Variants in MMS22L observed in about 807,000 individuals in gnomAD.
MMS22L encodes the protein MMS22 like, DNA repair protein.
MMS22L carries 74 observed loss-of-function variants against 159.1 expected under a neutral mutation model. That is an observed-to-expected ratio of 0.47 (90% CI 0.39 to 0.56). The LOEUF is 0.56. Among genes scored for constraint, MMS22L ranks in the 20% least tolerant of loss-of-function variants. The pLI is 0.00. For missense variants in MMS22L, 1,351 were observed against 1,422.1 expected (o/e 0.95, Z 0.80); for synonymous variants, 517 against 506.9 (o/e 1.02, Z -0.27).
chr6:97,254,666 G>T lies in MMS22L; in HGVS notation c.1010C>A (p.Ser337Tyr), dbSNP rs752634716. 5.0e-6 allele frequency: 8 copies of T among 1,612,176 alleles called. No individual in the cohort carries two copies. Among genetic ancestry groups the T allele is most frequent in the Non-Finnish European group, 5.9e-6 (7 of 1,179,390 alleles). ...CCTGGACTGGATTACAGGCATAGAG[G>T]ATCTTCTTCGGTCACTTGATTTTTC... ...LLEKSSDRRR[S>Y]SMPVIQSRDP... Residue 337 changes from serine to tyrosine, a missense_variant, in exon 10 of 25, where the codon TCC becomes TAC. Transcript: ENST00000683635.
intron 4 of MMS22L, among the ~76,000 whole-genome samples, chr6:97,275,307 T>A (rs1471710569): frequency 1.3e-5 from 2 of 152,220 alleles, no homozygotes; most frequent in Admixed American, 1.3e-4. Context: ...GGCAGGCGAA[T>A]CACGAGGTCA....
chr6:97,179,626 A>C, intron 16 of MMS22L, 67 bp from the exon 17 acceptor site: 1 of 1,396,144 alleles, frequency 7.2e-7, no homozygotes, highest in East Asian at 2.4e-5. Flanking sequence ...ATTAAGAAGT[A>C]AAGAAAAACA....
At chr6:97,216,057 T>C (rs1255243922) in intron 14 of MMS22L, among the ~76,000 whole-genome samples, 1 of 152,102 alleles carries the variant, frequency 6.6e-6, no homozygotes, top group East Asian at 1.9e-4. Context: ...TAAATAAAAT[T>C]TCAAACAGCA....
intron 24 of MMS22L, among the ~76,000 whole-genome samples, 157 bp downstream of exon 24, chr6:97,149,696 C>T (rs1407131754): frequency 2.0e-5 from 3 of 152,172 alleles, no homozygotes; most frequent in Admixed American, 1.3e-4. Flanking sequence ...CTTCTATTCA[C>T]ACTTTGTAAA....
rs144558535 is a variant in MMS22L, at chr6:97,246,633, C to T, written c.1177G>A (p.Val393Ile). ...GTCTTACTTTAATTGCATACCTGAA[C>T]ACTGATGGACTTTTTCAGCAGTTCT... The part of the protein sequence containing the change: ...VEELLKKSIS[V>I]QGVILEEQLR... Residue 393 changes from valine (V) to isoleucine (I), a missense_variant, in exon 11 of 25, where the codon GTT becomes ATT. Coordinates refer to ENST00000683635, the MANE Select transcript of MMS22L (RefSeq NM_001350599.2). The T allele has an allele frequency of 1.4e-4, 228 of 1,610,140 alleles. 2 individuals carry two copies. The African/African-American group carries it at 2.8e-3, about 20-fold the overall frequency.
chr6:97,208,187 TA>T (rs1807987652), intron 14 of MMS22L, among the ~76,000 whole-genome samples: 1 of 152,146 alleles, frequency 6.6e-6, no homozygotes, highest in South Asian at 2.1e-4. Context: ...ACTTCAAAAC[TA>T]ATGTACTCTC....
intron 22 of MMS22L, among the ~76,000 whole-genome samples, chr6:97,157,263 A>G (rs1801956217): frequency 6.6e-6 from 1 of 152,190 alleles, no homozygotes; most frequent in African/African-American, 2.4e-5. Flanking sequence ...GTCATCTGCA[A>G]ACAAAGACAA....
chr6:97,152,809 C>T (rs1276224894), intron 22 of MMS22L, among the ~76,000 whole-genome samples: 1 of 142,164 alleles, frequency 7.0e-6, no homozygotes. Context: ...ACTGAACTAC[C>T]TTTTTTTTTT....
At position 97,229,317 on chromosome 6, in the gene MMS22L, G is replaced by A. The variant is rs1007868881; in HGVS notation, c.1616C>T (p.Ala539Val). Residue 539 changes from alanine to valine, a missense_variant, in exon 14 of 25, where the codon GCA becomes GTA. Transcript: ENST00000683635. ...QNFFSLFLLLAAVAEVEDVAS... is the reference protein window; with the variant it reads ...QNFFSLFLLLVAVAEVEDVAS... ...AACATCTTCTACCTCTGCAACAGCTGCTAACAGTAGAAAAAGGCTAAAAAA... is the reference window on the plus strand; with the variant it reads ...AACATCTTCTACCTCTGCAACAGCTACTAACAGTAGAAAAAGGCTAAAAAA... 1 of 1,613,866 alleles carries A rather than the reference G, an allele frequency of 6.2e-7. No individual in the cohort carries two copies. Among genetic ancestry groups the A allele is most frequent in the Non-Finnish European group, 8.5e-7 (1 of 1,179,922 alleles).
intron 14 of MMS22L, among the ~76,000 whole-genome samples, chr6:97,217,411 G>A (rs372227416): frequency 2.6e-5 from 4 of 151,840 alleles, no homozygotes; most frequent in East Asian, 1.9e-4. Context: ...CCACCACCAC[G>A]CCCAGCTAAT....
At position 97,210,080 on chromosome 6, in the gene MMS22L, T is replaced by G. The variant is rs1808213695; in HGVS notation, c.2039+18814A>C. ...TCCTTTATCCTTCAGATGAAAGAAA[T>G]AAAATATGGGGACCTGCCTGAGGTC... On this transcript the variant is annotated intron_variant, in intron 14 of 24. Transcript: ENST00000683635. Among the ~76,000 whole-genome samples, 4 of 151,788 alleles carry G rather than the reference T, an allele frequency of 2.6e-5. No individual in the cohort carries two copies. In the South Asian group the frequency reaches 8.3e-4, roughly 31 times the overall value.
At chr6:97,270,081 C>T in intron 6 of MMS22L, 89 bp from the exon 7 acceptor site, 1 of 1,027,808 alleles carries the variant, frequency 9.7e-7, no homozygotes, top group Non-Finnish European at 1.5e-6. Context: ...TCCATAAACA[C>T]AAGGATAAAG....
chr6:97,219,481 C>T (rs150640754), intron 14 of MMS22L, among the ~76,000 whole-genome samples: 1 of 151,878 alleles, frequency 6.6e-6, no homozygotes, highest in East Asian at 1.9e-4. Flanking sequence ...TGTTACAGAA[C>T]AGTTGAATTT....
intron 18 of MMS22L, among the ~76,000 whole-genome samples, chr6:97,175,678 T>C (rs1804042375): frequency 6.6e-6 from 1 of 152,030 alleles, no homozygotes; most frequent in Admixed American, 6.6e-5. Flanking sequence ...GAAAAAAAAA[T>C]CACACCTGCT....
chr6:97,198,446 C>G (rs1027185523), intron 14 of MMS22L, among the ~76,000 whole-genome samples: 12 of 152,112 alleles, frequency 7.9e-5, no homozygotes, highest in South Asian at 2.1e-4. Flanking sequence ...AAGTCCTGAC[C>G]TACAGAATCT....
intron 14 of MMS22L, among the ~76,000 whole-genome samples, chr6:97,198,188 G>C (rs558098008): frequency 2.2e-4 from 33 of 152,250 alleles, no homozygotes; most frequent in African/African-American, 7.7e-4. Context: ...TACCCTGTTC[G>C]AGAGGCCACA....
At chr6:97,268,594 GAAC>G (rs1169593700) in intron 7 of MMS22L, among the ~76,000 whole-genome samples, 3 of 151,772 alleles carry the variant, frequency 2.0e-5, no homozygotes, top group South Asian at 2.1e-4. Context: ...AAAAGAGAGA[GAAC>G]AACATAAAAT....
chr6:97,211,806 A>C (rs762548943), intron 14 of MMS22L, among the ~76,000 whole-genome samples: 4 of 152,166 alleles, frequency 2.6e-5, no homozygotes, highest in Non-Finnish European at 5.9e-5. Flanking sequence ...TATGTGTACA[A>C]GTAGCAAAGT....
intron 9 of MMS22L, 115 bp downstream of exon 9, chr6:97,263,220 G>T: frequency 3.1e-6 from 2 of 652,790 alleles, no homozygotes; most frequent in Non-Finnish European, 5.3e-6. Flanking sequence ...TCTATTGGTG[G>T]TTATTATTGC....
Sources: allele counts gnomAD v4.1 joint callset (sites outside exome capture counted in the v4.1 genomes callset), GRCh38; gene constraint gnomAD v4.1.1; transcripts MANE v1.5; gene names NCBI Gene and HGNC (gene_info 2026-07-23, HGNC 2026-07-21).